The following INTS12 variants were observed in gnomAD, a reference collection of about 807,000 sequenced individuals.
INTS12 encodes the protein PHD finger protein 22.
In INTS12, 13 loss-of-function variants were observed where a neutral mutation model predicts 41.6. That is an observed-to-expected ratio of 0.31 (90% CI 0.20 to 0.50). The LOEUF (loss-of-function observed/expected upper bound fraction) is 0.50. Ranked by LOEUF, INTS12 falls within the 20% of genes least tolerant of loss-of-function variation. The probability of loss-of-function intolerance (pLI) is 0.98; values close to 1 mark genes in which losing one functional copy is unlikely to be tolerated. For synonymous variants in INTS12, 199 were observed against 191.4 expected, an observed-to-expected ratio of 1.04 and a Z score of -0.33; for missense variants, 432 against 541.6, an observed-to-expected ratio of 0.80 and a Z score of 2.01.
At chr4:105,708,224 A>T in intron 1 of INTS12, 2 of 985,500 alleles carry the variant, frequency 2.0e-6, no homozygotes, top group Non-Finnish European at 2.4e-6. Flanking sequence ...AGCTGACAGC[A>T]AACACTTAGA....
Position 105,693,379 on chromosome 4 carries a change from A to T in INTS12, c.417T>A (p.Pro139=). 1 of 1,614,096 alleles carries T rather than the reference A, an allele frequency of 6.2e-7. No homozygotes were observed. Among genetic ancestry groups the T allele is most frequent in the Non-Finnish European group, 8.5e-7 (1 of 1,179,952 alleles). The change falls in exon 5 of 8, where the codon CCT becomes CCA. Residue 139 remains proline (P), a synonymous_variant. Coordinates refer to ENST00000340139, the MANE Select transcript of INTS12 (RefSeq NM_020395.4). ...CCTCAAAACTGGAAAGGTCAGCCAT[A>T]GGTAAATCCTTGCTACTTTGGACAG... ...PITVQSSKDL[P]MADLSSFEET...
At chr4:105,685,749 A>T (rs1472660731) in intron 7 of INTS12, among the ~76,000 whole-genome samples, 1 of 152,066 alleles carries the variant, frequency 6.6e-6, no homozygotes, top group Non-Finnish European at 1.5e-5. Context: ...TTTGTTATGA[A>T]ATTAGATTAG....
chr4:105,707,743 T>C (rs988721722), intron 1 of INTS12, among the ~76,000 whole-genome samples: 2 of 152,230 alleles, frequency 1.3e-5, no homozygotes, highest in African/African-American at 2.4e-5. Flanking sequence ...TTGTTCACTG[T>C]TATTTCCCTA....
intron 7 of INTS12, among the ~76,000 whole-genome samples, chr4:105,685,166 C>T (rs1731458691): frequency 6.6e-6 from 1 of 152,006 alleles, no homozygotes; most frequent in Non-Finnish European, 1.5e-5. Flanking sequence ...TGAATGGGAA[C>T]AATTTTTTTA....
chr4:105,700,034 A>G lies in INTS12; in HGVS notation c.-9-20T>C. The G allele has an allele frequency of 6.9e-7, 1 of 1,445,578 alleles. No individual in the cohort carries two copies. The highest frequency in any genetic ancestry group is 9.2e-7 in the Non-Finnish European group (1 of 1,081,596). The allele number at this position is 1,445,578 out of a possible 1,614,324, so 89.5% of individuals were successfully genotyped here. ...AAACGCCTGAAGGAAAAAAAGAGAA[A>G]GTAATCTAGAAGACAATGCACAATT... On this transcript the variant is annotated intron_variant, in intron 2 of 7. Transcript: ENST00000340139.
chr4:105,694,323 C>A (rs1731786276), intron 4 of INTS12, among the ~76,000 whole-genome samples: 4 of 152,062 alleles, frequency 2.6e-5, no homozygotes, highest in South Asian at 4.1e-4. Flanking sequence ...AGTATGATAA[C>A]ATTTACATAA....
chr4:105,699,749 GA>G, intron 3 of INTS12, 100 bp downstream of exon 3: 1 of 841,854 alleles, frequency 1.2e-6, no homozygotes, highest in Non-Finnish European at 1.7e-6. Context: ...TACAAGGAAA[GA>G]TTATTTCGGC....
At chr4:105,704,766 A>G (rs1732206422) in intron 1 of INTS12, among the ~76,000 whole-genome samples, 1 of 152,162 alleles carries the variant, frequency 6.6e-6, no homozygotes. Context: ...CCTATTGCCC[A>G]AGCCAGTAAC....
At chr4:105,686,612 TA>T in intron 7 of INTS12, 79 bp downstream of exon 7, 1 of 1,098,996 alleles carries the variant, frequency 9.1e-7, no homozygotes, top group African/African-American at 1.6e-5. Context: ...AGTTTCTCAT[TA>T]AATTTTTTAT....
chr4:105,696,505 G>C (rs1244048175), intron 3 of INTS12, among the ~76,000 whole-genome samples: 1 of 151,966 alleles, frequency 6.6e-6, no homozygotes, highest in Non-Finnish European at 1.5e-5. Context: ...TATTTATTTT[G>C]AGATTCATCC....
chr4:105,702,130 C>CTTTTTTTTTTTTTT (rs950826694), intron 2 of INTS12, among the ~76,000 whole-genome samples: 8 of 109,506 alleles, frequency 7.3e-5, no homozygotes, highest in Admixed American at 1.0e-4. Context: ...ATTTCTATTT[C>CTTTTTTTTTTTTTT]TTTTTTTTTT....
At chr4:105,694,809 A>AAATC (rs1731802768) in intron 4 of INTS12, among the ~76,000 whole-genome samples, 1 of 152,222 alleles carries the variant, frequency 6.6e-6, no homozygotes, top group Non-Finnish European at 1.5e-5. Context: ...CTATATGTAG[A>AAATC]AATCATCTAA....
chr4:105,700,908 C>A lies in INTS12; in HGVS notation c.-9-894G>T, dbSNP rs565581849. 1.4e-4 allele frequency among the ~76,000 whole-genome samples: 22 copies of A among 152,210 alleles called. No individual in the cohort carries two copies. In the South Asian group the frequency reaches 4.6e-3, roughly 32 times the overall value. ...CTTCTGGTTGTCACTTTTTCAAAGA[C>A]CTCTCCAGGCAAGAAATTATCAAAA... On this transcript the variant is annotated intron_variant, in intron 2 of 7. Coordinates refer to ENST00000340139, the MANE Select transcript of INTS12 (RefSeq NM_020395.4).
At chr4:105,693,700 TAAATC>T (rs1364569811) in intron 4 of INTS12, among the ~76,000 whole-genome samples, 2 of 152,170 alleles carry the variant, frequency 1.3e-5, no homozygotes, top group Non-Finnish European at 1.5e-5. Context: ...TAGAAATAAA[TAAATC>T]AGAACAGTTT....
At chr4:105,706,860 C>A (rs368875197) in intron 1 of INTS12, among the ~76,000 whole-genome samples, 5 of 152,126 alleles carry the variant, frequency 3.3e-5, no homozygotes, top group African/African-American at 1.2e-4. Context: ...GTTTTATTAG[C>A]TTACTTGAAC....
intron 2 of INTS12, among the ~76,000 whole-genome samples, chr4:105,701,087 G>T (rs1411367320): frequency 6.6e-6 from 1 of 152,032 alleles, no homozygotes; most frequent in Non-Finnish European, 1.5e-5. Context: ...ATTTTCAGGG[G>T]TTTATAACAC....
intron 1 of INTS12, chr4:105,708,088 T>TC (rs1732363981): frequency 1.0e-6 from 1 of 985,346 alleles, no homozygotes; most frequent in East Asian, 1.1e-4. Context: ...CAATAAACAT[T>TC]ATTTTAAAGA....
In INTS12 at chr4:105,695,540, T is replaced by C. The variant is rs756319736; in HGVS notation, c.285A>G (p.Glu95=). ...CTTTATCAGCAGGTCTCTTTTCAGC[T>C]TCCTTCTTTACCTTTTCAGTTGTGA... ...KVLTTEKVKK[E]AEKRPADKMK... is the part of the protein sequence containing the mutation. Residue 95 remains glutamate (E), a synonymous_variant, in exon 4 of 8, where the codon GAA becomes GAG. Transcript: ENST00000340139. 2 of 1,606,644 alleles carry C rather than the reference T, an allele frequency of 1.2e-6. No homozygotes were observed. Among genetic ancestry groups the C allele is most frequent in the Admixed American group, 1.7e-5 (1 of 58,004 alleles).
At position 105,700,039 on chromosome 4, in the gene INTS12, T is replaced by C. The variant is rs188175654; in HGVS notation, c.-9-25A>G. On this transcript the variant is annotated intron_variant, in intron 2 of 7. Transcript: ENST00000340139. ...CCTGAAGGAAAAAAAGAGAAAGTAA[T>C]CTAGAAGACAATGCACAATTATCTA... The C allele has an allele frequency of 5.6e-6, 8 of 1,429,410 alleles. No homozygotes were observed. The African/African-American group carries it at 1.1e-4, about 20-fold the overall frequency. 88.5% of individuals were successfully genotyped at this position (1,429,410 alleles called of 1,614,324 possible).
Sources: gnomAD v4.1 joint callset for allele counts (sites outside exome capture counted in the v4.1 genomes callset) on GRCh38, gnomAD v4.1.1 for gene constraint, MANE v1.5 for transcripts, NCBI Gene and HGNC (gene_info 2026-07-23, HGNC 2026-07-21) for gene names.